GATAD2A: variants seen among roughly 807,000 people sequenced by gnomAD.
The protein encoded by GATAD2A is GATA zinc finger domain containing 2A.
In GATAD2A, 12 loss-of-function variants were observed where a neutral mutation model predicts 68.5. The ratio of observed to expected loss-of-function variants is 0.18; its 90% confidence interval spans 0.11 to 0.28. The LOEUF (loss-of-function observed/expected upper bound fraction) is 0.28, where lower values mean the gene tolerates loss of function less well. GATAD2A is among the 10% of genes least tolerant of loss of function. GATAD2A has a pLI of 1.00. For missense variants in GATAD2A, 755 were observed against 868.5 expected (o/e 0.87, Z 1.64); for synonymous variants, 410 against 375.3 (o/e 1.09, Z -1.07).
chr19:19,491,289 A>G (rs2059773559), intron 2 of GATAD2A, among the ~76,000 whole-genome samples: 2 of 152,302 alleles, frequency 1.3e-5, no homozygotes, highest in Admixed American at 1.3e-4. Flanking sequence ...GAAAGCCTGC[A>G]AGTACTTCCC....
chr19:19,401,873 C>A (rs908863883), upstream of GATAD2A: 8 of 152,064 alleles, frequency 5.3e-5, no homozygotes, highest in African/African-American at 1.9e-4. Flanking sequence ...GGAATTTGGC[C>A]CCAATTTCTT....
intron 1 of GATAD2A, among the ~76,000 whole-genome samples, chr19:19,408,063 G>T (rs963196105): frequency 6.6e-6 from 1 of 152,214 alleles, no homozygotes; most frequent in Non-Finnish European, 1.5e-5. Flanking sequence ...GGAGTGGCAC[G>T]ATCTTGGTTC....
intron 1 of GATAD2A, among the ~76,000 whole-genome samples, chr19:19,446,937 T>G (rs529388960): frequency 4.9e-4 from 74 of 152,348 alleles, no homozygotes; most frequent in African/African-American, 1.7e-3. Flanking sequence ...GGAAGGAGGT[T>G]GAAGGGCAGT....
rs969181282 is a variant in GATAD2A, at chr19:19,505,713, G to A, written c.*239G>A. 3 of 474,906 alleles carry A rather than the reference G, an allele frequency of 6.3e-6. No individual in the cohort carries two copies. The highest frequency in any genetic ancestry group is 1.1e-5 in the Non-Finnish European group (3 of 272,162). 29.4% of individuals were successfully genotyped at this position (474,906 alleles called of 1,614,324 possible). ...ATCATCGCTGGGGGACCTTTCCCGT[G>A]GGCTTTCTTCCTTTCTCTCTTTGCC... On this transcript the variant is annotated 3_prime_UTR_variant, in exon 12 of 12. Coordinates refer to ENST00000683918, the MANE Select transcript of GATAD2A (RefSeq NM_001384528.1).
intron 4 of GATAD2A, 96 bp from the exon 5 acceptor site, chr19:19,494,198 C>A: frequency 3.1e-6 from 2 of 644,342 alleles, no homozygotes; most frequent in South Asian, 3.6e-5. Flanking sequence ...GGAAGACAGT[C>A]AGTCCTCTTC....
chr19:19,502,280 T>C, intron 10 of GATAD2A, 51 bp from the exon 11 acceptor site: 1 of 1,389,042 alleles, frequency 7.2e-7, no homozygotes. Context: ...GTGTCTCGCC[T>C]GCTGCTGTCT....
intron 1 of GATAD2A, among the ~76,000 whole-genome samples, chr19:19,431,564 C>G (rs764093887): frequency 6.6e-6 from 1 of 150,932 alleles, no homozygotes; most frequent in Admixed American, 6.6e-5. Flanking sequence ...CGTGGTGGTG[C>G]GTGCCTGTAG....
At chr19:19,481,401 G>T (rs1177234799) in intron 2 of GATAD2A, among the ~76,000 whole-genome samples, 2 of 152,212 alleles carry the variant, frequency 1.3e-5, no homozygotes, top group Admixed American at 6.5e-5. Flanking sequence ...TACAGTCATA[G>T]CTCACTGTAG....
At chr19:19,480,979 G>A (rs1370480097) in intron 2 of GATAD2A, among the ~76,000 whole-genome samples, 1 of 152,232 alleles carries the variant, frequency 6.6e-6, no homozygotes, top group African/African-American at 2.4e-5. Context: ...TTTCATGTTT[G>A]TGGCTTTCAT....
At chr19:19,426,566 A>G (rs1266425105) in intron 1 of GATAD2A, among the ~76,000 whole-genome samples, 2 of 152,152 alleles carry the variant, frequency 1.3e-5, no homozygotes, top group Non-Finnish European at 2.9e-5. Flanking sequence ...GCTGGAATAC[A>G]GAGATGCGAT....
chr19:19,402,612 C>T (rs1329514112), upstream of GATAD2A: 1 of 149,512 alleles, frequency 6.7e-6, no homozygotes, highest in African/African-American at 2.4e-5. Context: ...TCTCTTGAGC[C>T]TGGGAGGTGG....
chr19:19,464,094 G>A (rs768970881), intron 1 of GATAD2A, among the ~76,000 whole-genome samples: 1 of 152,186 alleles, frequency 6.6e-6, no homozygotes, highest in Non-Finnish European at 1.5e-5. Context: ...CCTGGGACAG[G>A]CTTCCCCAGG....
At chr19:19,483,297 C>T (rs1428830563) in intron 2 of GATAD2A, among the ~76,000 whole-genome samples, 31 of 152,172 alleles carry the variant, frequency 2.0e-4, no homozygotes, top group Admixed American at 2.0e-4. Flanking sequence ...ATTCCCAGAG[C>T]GGTCGTTGGA....
intron 7 of GATAD2A, among the ~76,000 whole-genome samples, chr19:19,498,054 CAGT>C (rs1219049765): frequency 6.6e-6 from 1 of 152,230 alleles, no homozygotes; most frequent in East Asian, 1.9e-4. Flanking sequence ...TGTGAGAAGG[CAGT>C]AGGCCAGGCC....
intron 2 of GATAD2A, chr19:19,472,726 A>AGG (rs1171343421): frequency 2.0e-5 from 3 of 151,886 alleles, no homozygotes; most frequent in African/African-American, 7.3e-5. Flanking sequence ...GTAAGGACTG[A>AGG]GGGTCCCTCA....
chr19:19,490,206 G>C (rs889490812), intron 2 of GATAD2A, among the ~76,000 whole-genome samples: 1 of 152,180 alleles, frequency 6.6e-6, no homozygotes, highest in African/African-American at 2.4e-5. Flanking sequence ...TAGGACCAGC[G>C]TTCAGGTACA....
At chr19:19,417,216 C>T (rs938522566) in intron 1 of GATAD2A, among the ~76,000 whole-genome samples, 1 of 152,156 alleles carries the variant, frequency 6.6e-6, no homozygotes, top group Non-Finnish European at 1.5e-5. Context: ...ATTCTCTAAG[C>T]AGAGCTTCTT....
At chr19:19,502,578 C>T in intron 11 of GATAD2A, 52 bp downstream of exon 11, 8 of 1,399,660 alleles carry the variant, frequency 5.7e-6, no homozygotes, top group Middle Eastern at 1.8e-4. Context: ...GTGGGGTTCA[C>T]CCTTCCTTAA....
intron 2 of GATAD2A, among the ~76,000 whole-genome samples, chr19:19,469,192 G>A (rs972365941): frequency 6.6e-6 from 1 of 152,160 alleles, no homozygotes; most frequent in Admixed American, 6.5e-5. Flanking sequence ...AGCACTTTGG[G>A]AGGCTGAGGC....
Sources: allele counts gnomAD v4.1 joint callset (sites outside exome capture counted in the v4.1 genomes callset), GRCh38; gene constraint gnomAD v4.1.1; transcripts MANE v1.5; gene names NCBI Gene and HGNC (gene_info 2026-07-23, HGNC 2026-07-21).